The following DCC variants were observed in gnomAD, a reference collection of about 807,000 sequenced individuals.
DCC encodes netrin receptor DCC.
In DCC, 58 loss-of-function variants were observed where a neutral mutation model predicts 172.5. The observed-to-expected ratio is 0.34, with a 90% CI of 0.27 to 0.42. DCC has a LOEUF of 0.42. DCC is among the 10% of genes least tolerant of loss of function. The pLI is 1.00. For missense variants in DCC, 1,740 were observed against 1,791.0 expected, an observed-to-expected ratio of 0.97 and a Z score of 0.51; for synonymous variants, 709 against 644.5, an observed-to-expected ratio of 1.10 and a Z score of -1.52.
chr18:52,996,765 C>T (rs1424708093), intron 5 of DCC, among the ~76,000 whole-genome samples: 4 of 136,428 alleles, frequency 2.9e-5, no homozygotes, highest in African/African-American at 8.4e-5. Context: ...AAACACATCA[C>T]CTTTTTCTTT....
intron 1 of DCC, among the ~76,000 whole-genome samples, chr18:52,433,843 T>C (rs895355241): frequency 6.6e-6 from 1 of 152,188 alleles, no homozygotes; most frequent in African/African-American, 2.4e-5. Context: ...AATTTTAGGA[T>C]TCATCTTTTA....
chr18:53,390,374 A>G (rs1234807596), intron 16 of DCC, among the ~76,000 whole-genome samples: 1 of 152,136 alleles, frequency 6.6e-6, no homozygotes, highest in East Asian at 1.9e-4. Context: ...GGGGATAGGC[A>G]TTTGAAATGC....
At chr18:53,301,304 G>T (rs1055549738) in intron 12 of DCC, among the ~76,000 whole-genome samples, 2 of 151,788 alleles carry the variant, frequency 1.3e-5, no homozygotes, top group African/African-American at 4.8e-5. Context: ...GGTCAGGCTG[G>T]TCTCGAACTC....
chr18:53,366,090 C>T (rs1051655274), intron 15 of DCC, among the ~76,000 whole-genome samples: 7 of 151,622 alleles, frequency 4.6e-5, no homozygotes, highest in Admixed American at 3.3e-4. Flanking sequence ...GGGTTTCACT[C>T]TTACTGCCCA....
At position 52,824,471 on chromosome 18, in the gene DCC, G is replaced by C. The variant is rs563771938; in HGVS notation, c.412+72097G>C. On this transcript the variant is annotated intron_variant, in intron 2 of 28. Coordinates refer to ENST00000442544, the MANE Select transcript of DCC (RefSeq NM_005215.4). ...GGTGGGAAGTTATGGCAAACATCTT[G>C]ATGGCTTTAAATCTGTATTCATAGC... Among the ~76,000 whole-genome samples the C allele has an allele frequency of 3.9e-5, 6 of 152,116 alleles. No individual in the cohort carries two copies. In the East Asian group the frequency reaches 1.2e-3, roughly 29 times the overall value.
At chr18:52,356,015 C>T (rs180835816) in intron 1 of DCC, among the ~76,000 whole-genome samples, 1 of 152,134 alleles carries the variant, frequency 6.6e-6, no homozygotes, top group Non-Finnish European at 1.5e-5. Flanking sequence ...AGTCCAGGCA[C>T]CAGATCTCAT....
chr18:52,947,044 G>T (rs886492281), intron 5 of DCC, among the ~76,000 whole-genome samples: 1 of 151,888 alleles, frequency 6.6e-6, no homozygotes, highest in Non-Finnish European at 1.5e-5. Context: ...TCTCAATATC[G>T]ATCCCATCTA....
intron 2 of DCC, among the ~76,000 whole-genome samples, chr18:52,866,744 CTT>C (rs1161421432): frequency 1.3e-5 from 2 of 152,152 alleles, no homozygotes. Context: ...TATCCGGAGA[CTT>C]TGCTGAAGTT....
At chr18:52,653,402 A>G (rs1000333925) in intron 1 of DCC, among the ~76,000 whole-genome samples, 2 of 152,224 alleles carry the variant, frequency 1.3e-5, no homozygotes, top group African/African-American at 4.8e-5. Context: ...GCTTCTTTCC[A>G]TAGCATAAAC....
At chr18:53,001,811 T>C (rs1429984575) in intron 5 of DCC, among the ~76,000 whole-genome samples, 1 of 152,104 alleles carries the variant, frequency 6.6e-6, no homozygotes, top group Non-Finnish European at 1.5e-5. Context: ...AGTGTGACCA[T>C]ATGATGAGAA....
At chr18:52,980,351 TATC>T (rs2041190337) in intron 5 of DCC, among the ~76,000 whole-genome samples, 1 of 152,214 alleles carries the variant, frequency 6.6e-6, no homozygotes, top group Non-Finnish European at 1.5e-5. Context: ...CATCTTTAAA[TATC>T]ATATTTTTGA....
At chr18:53,269,150 C>T (rs1184701141) in intron 12 of DCC, among the ~76,000 whole-genome samples, 1 of 151,912 alleles carries the variant, frequency 6.6e-6, no homozygotes, top group African/African-American at 2.4e-5. Flanking sequence ...GCACTTGTGC[C>T]TGTGCATATG....
chr18:53,312,607 G>A (rs1261084257), intron 13 of DCC, among the ~76,000 whole-genome samples: 2 of 151,468 alleles, frequency 1.3e-5, no homozygotes, highest in Non-Finnish European at 2.9e-5. Context: ...GAGGAGGGCA[G>A]ATCAGGAGGT....
At chr18:52,733,875 T>C (rs2036684652) in intron 1 of DCC, among the ~76,000 whole-genome samples, 1 of 152,158 alleles carries the variant, frequency 6.6e-6, no homozygotes, top group Non-Finnish European at 1.5e-5. Flanking sequence ...GGCATGATTC[T>C]CTGTAATTCA....
At chr18:53,023,146 T>C (rs1358756427) in intron 5 of DCC, among the ~76,000 whole-genome samples, 2 of 151,904 alleles carry the variant, frequency 1.3e-5, no homozygotes, top group African/African-American at 4.8e-5. Context: ...CCATAGTAAT[T>C]AGTACTACTT....
intron 1 of DCC, among the ~76,000 whole-genome samples, chr18:52,464,637 G>C (rs979164064): frequency 6.6e-6 from 1 of 152,130 alleles, no homozygotes; most frequent in African/African-American, 2.4e-5. Flanking sequence ...ATCTGTACTG[G>C]CATTTCTGAA....
At chr18:52,972,258 A>C (rs559216741) in intron 5 of DCC, among the ~76,000 whole-genome samples, 2 of 152,276 alleles carry the variant, frequency 1.3e-5, no homozygotes, top group African/African-American at 4.8e-5. Flanking sequence ...CATACTTATC[A>C]ATTGAGTTAT....
chr18:52,541,875 G>GTGTATA (rs1555695194), intron 1 of DCC, among the ~76,000 whole-genome samples: 1,383 of 115,136 alleles, frequency 0.012, 16 homozygotes, highest in African/African-American at 0.016. Context: ...GTGTGTGTGT[G>GTGTATA]TATATATATA....
At chr18:53,327,361 G>A in intron 14 of DCC, among the ~76,000 whole-genome samples, 1 of 151,908 alleles carries the variant, frequency 6.6e-6, no homozygotes, top group East Asian at 1.9e-4. Flanking sequence ...TCATGTAAAT[G>A]TCTTGCATAA....
Sources: gnomAD v4.1 joint callset for allele counts (sites outside exome capture counted in the v4.1 genomes callset) on GRCh38, gnomAD v4.1.1 for gene constraint, MANE v1.5 for transcripts, NCBI Gene and HGNC (gene_info 2026-07-23, HGNC 2026-07-21) for gene names.